Variants in NLGN1 observed in about 807,000 individuals in gnomAD.
NLGN1 encodes the protein neuroligin 1.
Under a neutral mutation model 65.5 loss-of-function variants are expected in NLGN1, and 12 were observed. That is an observed-to-expected ratio of 0.18 (90% CI 0.12 to 0.30). The LOEUF is 0.30. Ranked by LOEUF, NLGN1 falls within the 10% of genes least tolerant of loss-of-function variation. The probability of loss-of-function intolerance (pLI) is 1.00; values close to 1 mark genes in which losing one functional copy is unlikely to be tolerated. For synonymous variants in NLGN1, 350 were observed against 359.5 expected, an observed-to-expected ratio of 0.97 and a Z score of 0.30; for missense variants, 750 against 1,007.1, an observed-to-expected ratio of 0.74 and a Z score of 3.46.
chr3:174,207,894 A>G (rs942717373), intron 4 of NLGN1, among the ~76,000 whole-genome samples: 4 of 152,218 alleles, frequency 2.6e-5, no homozygotes, highest in South Asian at 4.1e-4. Flanking sequence ...ATTGAAATAT[A>G]TGCAAACTAG....
At chr3:173,716,595 C>G (rs1769888848) in intron 3 of NLGN1, among the ~76,000 whole-genome samples, 1 of 152,088 alleles carries the variant, frequency 6.6e-6, no homozygotes, top group Admixed American at 6.6e-5. Flanking sequence ...CTGCCTGATA[C>G]TACTTCTTCC....
At chr3:173,466,742 T>C (rs1203015483) in intron 2 of NLGN1, among the ~76,000 whole-genome samples, 1 of 152,202 alleles carries the variant, frequency 6.6e-6, no homozygotes, top group Non-Finnish European at 1.5e-5. Context: ...TAAATTTAGA[T>C]TTGGAAAACC....
At chr3:173,737,546 T>C (rs1773968638) in intron 3 of NLGN1, among the ~76,000 whole-genome samples, 1 of 152,074 alleles carries the variant, frequency 6.6e-6, no homozygotes, top group Non-Finnish European at 1.5e-5. Flanking sequence ...TGTGTTAGTG[T>C]AATGTTTTTA....
chr3:173,927,225 G>C (rs1743171862), intron 4 of NLGN1, among the ~76,000 whole-genome samples: 1 of 151,990 alleles, frequency 6.6e-6, no homozygotes, highest in Non-Finnish European at 1.5e-5. Context: ...CTCCACGCCT[G>C]GCTAATTTTT....
chr3:173,823,722 T>G (rs1393930407), intron 4 of NLGN1, among the ~76,000 whole-genome samples: 1 of 152,018 alleles, frequency 6.6e-6, no homozygotes, highest in East Asian at 1.9e-4. Flanking sequence ...CAACACACAG[T>G]TCTACATTGT....
intron 4 of NLGN1, among the ~76,000 whole-genome samples, chr3:173,964,039 A>G (rs1463865587): frequency 2.0e-5 from 3 of 152,206 alleles, no homozygotes; most frequent in African/African-American, 7.2e-5. Context: ...AAGTGAATGG[A>G]AAGTGTAAAA....
chr3:174,260,888 C>A (rs1332754884), intron 4 of NLGN1, among the ~76,000 whole-genome samples: 2 of 147,834 alleles, frequency 1.4e-5, no homozygotes, highest in African/African-American at 5.0e-5. Context: ...GATCCAGTTT[C>A]AGCTTTCTAC....
chr3:173,597,620 A>G (rs1749696724), intron 2 of NLGN1, among the ~76,000 whole-genome samples: 1 of 152,056 alleles, frequency 6.6e-6, no homozygotes, highest in African/African-American at 2.4e-5. Flanking sequence ...TGAAAAGTGT[A>G]TGCATATATA....
chr3:173,748,390 C>G lies in NLGN1; in HGVS notation c.494-59290C>G, dbSNP rs540079763. On this transcript the variant is annotated intron_variant, in intron 3 of 6. Coordinates refer to ENST00000457714, the Ensembl canonical transcript of NLGN1. ...TACTATCTACTGGGTATGTGCAGAACAACTAGACTTCTGATGACAGCTTCT... is the reference window on the plus strand; with the variant it reads ...TACTATCTACTGGGTATGTGCAGAAGAACTAGACTTCTGATGACAGCTTCT... Among the ~76,000 whole-genome samples, 23 of 152,156 alleles carry G rather than the reference C, an allele frequency of 1.5e-4. No individual in the cohort carries two copies. The South Asian group carries it at 4.8e-3, about 32-fold the overall frequency.
chr3:173,937,936 C>A (rs1479755458), intron 4 of NLGN1, among the ~76,000 whole-genome samples: 1 of 152,034 alleles, frequency 6.6e-6, no homozygotes, highest in African/African-American at 2.4e-5. Flanking sequence ...AAATGTGACC[C>A]AATAATGTAG....
At position 174,169,337 on chromosome 3, in the gene NLGN1, T is replaced by TTTC. The variant is rs542934639; in HGVS notation, c.647-105978_647-105977insTTC. On this transcript the variant is annotated intron_variant, in intron 4 of 6. Coordinates refer to ENST00000457714, the Ensembl canonical transcript of NLGN1. ...GACCTTGATGCACCACATCTATGCT[T>TTTC]AGGAAGGGTGTCGCAACCCAGGCTG... 2.2e-3 allele frequency among the ~76,000 whole-genome samples: 330 copies of TTTC among 152,072 alleles called. 3 individuals carry two copies. The highest frequency in any genetic ancestry group is 7.6e-3 in the African/African-American group (316 of 41,480).
intron 2 of NLGN1, among the ~76,000 whole-genome samples, chr3:173,578,433 A>G (rs908721772): frequency 2.0e-5 from 3 of 152,188 alleles, no homozygotes; most frequent in African/African-American, 7.2e-5. Flanking sequence ...AAGAGTACCC[A>G]ACTCTTGTCT....
intron 1 of NLGN1, among the ~76,000 whole-genome samples, chr3:173,403,703 C>T (rs1021509829): frequency 6.6e-6 from 1 of 152,104 alleles, no homozygotes; most frequent in Non-Finnish European, 1.5e-5. Context: ...CCTTAATCAT[C>T]TTCTTTTACT....
At position 173,539,430 on chromosome 3, in the gene NLGN1, CAT is replaced by C. The variant is rs200695872; in HGVS notation, c.-320-64842_-320-64841del. Reference sequence around the variant, plus strand: ...TATATATTATATATGTTATATATAACATATATATGTACATGTATATACATACA... The same window carrying C: ...TATATATTATATATGTTATATATAACATATATGTACATGTATATACATACA... On this transcript the variant is annotated intron_variant, in intron 2 of 6. Coordinates refer to ENST00000457714, the Ensembl canonical transcript of NLGN1. 9.4e-3 allele frequency among the ~76,000 whole-genome samples: 1,360 copies of C among 144,092 alleles called. 38 individuals are homozygous for C. The highest frequency in any genetic ancestry group is 0.064 in the South Asian group (294 of 4,628). 94.5% of individuals were successfully genotyped at this position (144,092 alleles called of 152,430 possible).
intron 3 of NLGN1, among the ~76,000 whole-genome samples, chr3:173,747,271 TTAAG>T (rs1188199853): frequency 3.4e-5 from 5 of 145,852 alleles, no homozygotes; most frequent in Non-Finnish European, 6.0e-5. Flanking sequence ...ATATATATCT[TTAAG>T]TATATATATT....
At chr3:174,249,304 C>T (rs890036365) in intron 4 of NLGN1, among the ~76,000 whole-genome samples, 1 of 152,212 alleles carries the variant, frequency 6.6e-6, no homozygotes, top group African/African-American at 2.4e-5. Flanking sequence ...TGCCTCTCTA[C>T]ACTTGGTGCC....
At chr3:173,843,284 TGAAGACCTCTGACGTGCCCC>T (rs1725134185) in intron 4 of NLGN1, among the ~76,000 whole-genome samples, 1 of 152,200 alleles carries the variant, frequency 6.6e-6, no homozygotes, top group South Asian at 2.1e-4. Flanking sequence ...GGGGCTGCCA[TGAAGACCTCTGACGTGCCCC>T]GAAGACATTT....
chr3:174,059,050 C>A (rs1197344501), intron 4 of NLGN1, among the ~76,000 whole-genome samples: 2 of 152,102 alleles, frequency 1.3e-5, no homozygotes, highest in Non-Finnish European at 2.9e-5. Flanking sequence ...TGAACAGTTT[C>A]CCGTTGCTGT....
chr3:173,643,797 C>T (rs1757783108), intron 3 of NLGN1, among the ~76,000 whole-genome samples: 1 of 152,192 alleles, frequency 6.6e-6, no homozygotes, highest in South Asian at 2.1e-4. Context: ...TGGTTTTGAA[C>T]TCCTGGGCTC....
Sources: allele counts gnomAD v4.1 joint callset (sites outside exome capture counted in the v4.1 genomes callset), GRCh38; gene constraint gnomAD v4.1.1; transcripts MANE v1.5; gene names NCBI Gene and HGNC (gene_info 2026-07-23, HGNC 2026-07-21).